Variants in OSBP2 observed in about 807,000 individuals in gnomAD.
OSBP2 encodes oxysterol binding protein 2, also known as oxysterol-binding protein 2.
Under a neutral mutation model 96.0 loss-of-function variants are expected in OSBP2, and 66 were observed. The observed-to-expected ratio is 0.69, with a 90% CI of 0.56 to 0.84. The LOEUF (loss-of-function observed/expected upper bound fraction) is 0.84, where lower values mean the gene tolerates loss of function less well. Ranked by LOEUF, OSBP2 falls within the 40% of genes least tolerant of loss-of-function variation. OSBP2 has a pLI of 0.00. For synonymous variants in OSBP2, 525 were observed against 520.9 expected (o/e 1.01, Z -0.11); for missense variants, 1,038 against 1,222.7 (o/e 0.85, Z 2.25).
chr22:30,700,814 A>G (rs950605017), intron 1 of OSBP2, among the ~76,000 whole-genome samples: 5 of 152,090 alleles, frequency 3.3e-5, no homozygotes, highest in Admixed American at 6.6e-5. Context: ...GGCTGGGCAC[A>G]GTGGCTCATG....
chr22:30,744,285 C>T (rs1008249434), intron 2 of OSBP2, among the ~76,000 whole-genome samples: 1 of 152,156 alleles, frequency 6.6e-6, no homozygotes. Flanking sequence ...CTTGGGGCAG[C>T]CTTGAATGAG....
At chr22:30,863,719 A>G (rs868053421) in intron 2 of OSBP2, among the ~76,000 whole-genome samples, 1 of 152,272 alleles carries the variant, frequency 6.6e-6, no homozygotes. Flanking sequence ...GCCTGTCTCC[A>G]TTAATCACAC....
At chr22:30,853,479 A>G (rs1483837591) in intron 2 of OSBP2, among the ~76,000 whole-genome samples, 1 of 152,184 alleles carries the variant, frequency 6.6e-6, no homozygotes, top group African/African-American at 2.4e-5. Flanking sequence ...CATTATATTT[A>G]AAGTGTATTT....
chr22:30,838,329 GTT>G (rs2038678624), intron 2 of OSBP2, among the ~76,000 whole-genome samples: 2 of 152,142 alleles, frequency 1.3e-5, no homozygotes, highest in African/African-American at 4.8e-5. Context: ...GCATAATACT[GTT>G]AATTCCCTGA....
At chr22:30,858,477 A>T (rs1362906526) in intron 2 of OSBP2, among the ~76,000 whole-genome samples, 1 of 151,948 alleles carries the variant, frequency 6.6e-6, no homozygotes, top group Non-Finnish European at 1.5e-5. Flanking sequence ...TATTAGCTCA[A>T]GAGGCAGGGG....
intron 2 of OSBP2, among the ~76,000 whole-genome samples, chr22:30,824,784 A>T (rs1437785540): frequency 6.6e-6 from 1 of 152,166 alleles, no homozygotes; most frequent in African/African-American, 2.4e-5. Context: ...GAAGAGGGAG[A>T]TGGGCTTGCT....
At chr22:30,873,417 C>A (rs1207319307) in intron 3 of OSBP2, among the ~76,000 whole-genome samples, 3 of 152,184 alleles carry the variant, frequency 2.0e-5, no homozygotes, top group African/African-American at 7.2e-5. Flanking sequence ...TTCAAGGTAT[C>A]CTCTGGTCAC....
At chr22:30,724,405 G>A (rs62235892) in intron 1 of OSBP2, among the ~76,000 whole-genome samples, 19,852 of 152,002 alleles carry the variant, frequency 0.13, 2,008 homozygotes, top group East Asian at 0.39. Flanking sequence ...ATTTTTAGTA[G>A]AGATGGGGTT....
chr22:30,889,332 G>A (rs1489280379), intron 6 of OSBP2, 98 bp downstream of exon 6: 3 of 1,431,698 alleles, frequency 2.1e-6, no homozygotes, highest in Non-Finnish European at 2.9e-6. Flanking sequence ...CAGCAGGCAG[G>A]CCCATGCCCC....
At chr22:30,858,107 T>C (rs2039116311) in intron 2 of OSBP2, among the ~76,000 whole-genome samples, 1 of 151,512 alleles carries the variant, frequency 6.6e-6, no homozygotes, top group Admixed American at 6.6e-5. Context: ...ATAATCAGGT[T>C]GTGATTCACT....
chr22:30,774,799 A>T (rs1248747199), intron 2 of OSBP2, among the ~76,000 whole-genome samples: 1 of 152,220 alleles, frequency 6.6e-6, no homozygotes, highest in Non-Finnish European at 1.5e-5. Context: ...TTTTCTAAAA[A>T]GATGAATTTT....
rs780685919 is a variant in OSBP2 at position 30,881,733 on chromosome 22, C to G, written c.1108-5693C>G. ...CAGGCGCCTGCCTCTCCCCACAGCA[C>G]AGCCAGGATGGGGCCTGGAGAAGGC... On this transcript the variant is annotated intron_variant, in intron 3 of 13. Transcript: ENST00000332585. This position sits in a 1 kb window ranked among gnomAD's most constrained non-coding sequence, Gnocchi z 4.5. The G allele has an allele frequency of 6.1e-6, 8 of 1,304,006 alleles. No individual in the cohort carries two copies. In the Middle Eastern group the frequency reaches 1.3e-3, roughly 207 times the overall value. The allele number at this position is 1,304,006 out of a possible 1,614,324, so 80.8% of individuals were successfully genotyped here.
chr22:30,754,502 G>C (rs1324580477), intron 2 of OSBP2, among the ~76,000 whole-genome samples: 2 of 152,186 alleles, frequency 1.3e-5, no homozygotes. Context: ...CATGTGGGCA[G>C]CACAGGTATG....
chr22:30,806,513 A>C (rs1271095920), intron 2 of OSBP2, among the ~76,000 whole-genome samples: 2 of 152,198 alleles, frequency 1.3e-5, no homozygotes, highest in Non-Finnish European at 2.9e-5. Flanking sequence ...CAGGGCTAGA[A>C]GGTGGAGCAG....
chr22:30,730,107 C>T (rs557309910), intron 1 of OSBP2, among the ~76,000 whole-genome samples: 35 of 152,084 alleles, frequency 2.3e-4, no homozygotes, highest in African/African-American at 6.3e-4. Context: ...GGACTACAGG[C>T]GCATGCCACC....
intron 2 of OSBP2, among the ~76,000 whole-genome samples, chr22:30,858,292 GC>G (rs763887933): frequency 6.6e-6 from 1 of 150,910 alleles, no homozygotes; most frequent in African/African-American, 2.5e-5. Flanking sequence ...GACTACAGGC[GC>G]CCGCCACCGC....
intron 2 of OSBP2, among the ~76,000 whole-genome samples, chr22:30,814,575 C>T (rs2091057254): frequency 6.6e-6 from 1 of 151,798 alleles, no homozygotes; most frequent in Admixed American, 6.6e-5. Flanking sequence ...GGACTACAGG[C>T]ACATGCCACC....
At chr22:30,899,758 C>T (rs888267467) in intron 12 of OSBP2, among the ~76,000 whole-genome samples, 2 of 151,974 alleles carry the variant, frequency 1.3e-5, no homozygotes, top group African/African-American at 4.8e-5. Flanking sequence ...AAAATCCAAT[C>T]CAACAGTGTA....
intron 2 of OSBP2, among the ~76,000 whole-genome samples, chr22:30,743,511 G>A (rs2145743351): frequency 6.6e-6 from 1 of 152,216 alleles, no homozygotes; most frequent in South Asian, 2.1e-4. Flanking sequence ...TCAGACATGG[G>A]CTGTGTTGGG....
Sources: gnomAD v4.1 joint callset for allele counts (sites outside exome capture counted in the v4.1 genomes callset) on GRCh38, gnomAD v4.1.1 for gene constraint, Gnocchi (gnomAD v3.1) non-coding constraint, MANE v1.5 for transcripts, NCBI Gene and HGNC (gene_info 2026-07-23, HGNC 2026-07-21) for gene names.